The following CABIN1 variants were observed in gnomAD, a reference collection of about 807,000 sequenced individuals.
CABIN1 encodes the protein calcineurin-binding protein cabin-1.
A neutral mutation model predicts 227.7 loss-of-function variants in CABIN1; 133 were observed. That is an observed-to-expected ratio of 0.58 (90% confidence interval 0.51 to 0.67). CABIN1 has a LOEUF of 0.67. Among genes scored for constraint, CABIN1 ranks in the 30% least tolerant of loss-of-function variants. The pLI is 0.00. For missense variants in CABIN1, 2,408 were observed against 2,852.5 expected (o/e 0.84, Z 3.55); for synonymous variants, 1,086 against 1,155.1 (o/e 0.94, Z 1.21).
chr22:24,062,880 G>A, intron 13 of CABIN1, 79 bp from the exon 14 acceptor site: 3 of 1,447,830 alleles, frequency 2.1e-6, no homozygotes, highest in South Asian at 1.1e-5. Context: ...TGTGGTTAGG[G>A]CCAAGTGCAA....
At chr22:24,145,245 A>G (rs2045036136) in intron 29 of CABIN1, among the ~76,000 whole-genome samples, 1 of 152,122 alleles carries the variant, frequency 6.6e-6, no homozygotes, top group African/African-American at 2.4e-5. Context: ...CAGGTGTTGC[A>G]CTAGCTGCCC....
At chr22:24,058,300 A>G (rs143599835) in intron 10 of CABIN1, among the ~76,000 whole-genome samples, 1 of 152,326 alleles carries the variant, frequency 6.6e-6, no homozygotes, top group Non-Finnish European at 1.5e-5. Flanking sequence ...TGAGATTACA[A>G]TCTTGAGCAA....
Position 24,166,728 on chromosome 22 carries a change from C to T in CABIN1, c.5097C>T (p.Gly1699=). The T allele has an allele frequency of 1.2e-6, 2 of 1,612,796 alleles. No individual in the cohort carries two copies. Among genetic ancestry groups the T allele is most frequent in the South Asian group, 1.1e-5 (1 of 91,080 alleles). ...CACACAAGGCCAGTCCTGAGGATGG[C>T]CAGGAGGGCCTCCCCCAGCCGAAGA... ...DVSHKASPED[G]QEGLPQPKKP... The change falls in exon 32 of 37, where the codon GGC becomes GGT. Residue 1699 remains glycine, a synonymous_variant. Transcript: ENST00000263119.
chr22:24,150,266 G>C (rs1335454041), intron 29 of CABIN1, among the ~76,000 whole-genome samples: 2 of 152,242 alleles, frequency 1.3e-5, no homozygotes, highest in Non-Finnish European at 2.9e-5. Context: ...GGGCGCTGCA[G>C]GTACAGGAAA....
intron 28 of CABIN1, among the ~76,000 whole-genome samples, chr22:24,121,552 A>T (rs2043411568): frequency 6.6e-6 from 1 of 152,208 alleles, no homozygotes; most frequent in African/African-American, 2.4e-5. Flanking sequence ...TTACCTCTGT[A>T]TCCCAGGCCT....
intron 1 of CABIN1, among the ~76,000 whole-genome samples, chr22:24,013,064 A>G (rs1317624419): frequency 6.7e-6 from 1 of 149,948 alleles, no homozygotes; most frequent in African/African-American, 2.5e-5. Flanking sequence ...CCCGGCCTCA[A>G]TAGCTTTTTT....
At position 24,131,367 on chromosome 22, in the gene CABIN1, A is replaced by G. The variant is rs1227203836; in HGVS notation, c.4633-2935A>G. On this transcript the variant is annotated intron_variant, in intron 28 of 36. Coordinates refer to ENST00000263119, the MANE Select transcript of CABIN1 (RefSeq NM_012295.4). ...TCAGGCCAGGCCTGTGCCCTGGGTC[A>G]TGAAGTCACAGCTGGAGGAGTGGTC... 2.6e-5 allele frequency among the ~76,000 whole-genome samples: 4 copies of G among 152,206 alleles called. No homozygotes were observed. In the East Asian group the frequency reaches 7.7e-4, roughly 29 times the overall value.
At position 24,070,689 on chromosome 22, in the gene CABIN1, C is replaced by G. The variant is rs1239011010; in HGVS notation, c.2233-111C>G. On this transcript the variant is annotated intron_variant, in intron 16 of 36. Transcript: ENST00000263119. ...CTATGTTGTGCTGGGGCTCGTTCTT[C>G]CCTTTCTTTTGCTGCCCCTCATCTG... 4 of 1,519,060 alleles carry G rather than the reference C, an allele frequency of 2.6e-6. No individual in the cohort carries two copies. The African/African-American group carries it at 4.1e-5, about 16-fold the overall frequency. 94.1% of individuals were successfully genotyped at this position (1,519,060 alleles called of 1,614,324 possible).
intron 8 of CABIN1, 87 bp downstream of exon 8, chr22:24,051,061 G>C: frequency 6.4e-7 from 1 of 1,562,804 alleles, no homozygotes; most frequent in Non-Finnish European, 8.8e-7. Context: ...GAGAGACCTT[G>C]AGGCTTGATC....
intron 24 of CABIN1, among the ~76,000 whole-genome samples, chr22:24,095,426 A>AC (rs199640133): frequency 0.031 from 2,149 of 69,480 alleles, 49 homozygotes; most frequent in East Asian, 0.27. Flanking sequence ...CTGCCCACCC[A>AC]CCCCCCCACC....
In CABIN1 at chr22:24,165,558, G is replaced by A; in HGVS notation, c.4939G>A (p.Val1647Ile). 1 of 1,613,228 alleles carries A rather than the reference G, an allele frequency of 6.2e-7. No homozygotes were observed. The highest frequency in any genetic ancestry group is 1.3e-5 in the African/African-American group (1 of 75,072). Residue 1647 changes from valine (V) to isoleucine (I), a missense_variant, in exon 31 of 37, where the codon GTC (valine) becomes ATC (isoleucine). This residue lies in a region of CABIN1 where 714 missense variants were observed against 773.8 expected (regional missense o/e 0.92). Transcript: ENST00000263119. ...KKYLRDADRQ[V>I]LAQRAFILTV... ...GTATCTGCGAGATGCTGACCGCCAG[G>A]TCCTGGCGCAGCGGGCCTTCATCCT...
chr22:24,098,511 A>G (rs934181160), intron 26 of CABIN1, among the ~76,000 whole-genome samples: 10 of 152,096 alleles, frequency 6.6e-5, no homozygotes, highest in Non-Finnish European at 1.2e-4. Context: ...CTTTGAAAGG[A>G]AGTTAGAAGA....
chr22:24,141,084 A>G (rs191679614), intron 29 of CABIN1, among the ~76,000 whole-genome samples: 1 of 152,350 alleles, frequency 6.6e-6, no homozygotes, highest in East Asian at 1.9e-4. Flanking sequence ...GCCTGCATGG[A>G]GGCCTTGGGG....
At chr22:24,152,007 G>A (rs764659976) in intron 29 of CABIN1, among the ~76,000 whole-genome samples, 1 of 152,176 alleles carries the variant, frequency 6.6e-6, no homozygotes, top group Non-Finnish European at 1.5e-5. Context: ...AGAACTGTGG[G>A]GACAGCCATC....
At chr22:24,115,335 C>A (rs995282089) in intron 27 of CABIN1, among the ~76,000 whole-genome samples, 1 of 152,152 alleles carries the variant, frequency 6.6e-6, no homozygotes, top group African/African-American at 2.4e-5. Flanking sequence ...TGAAGAGTGT[C>A]CTGCCTCTTC....
chr22:24,080,174 C>T (rs2040714684), intron 19 of CABIN1, among the ~76,000 whole-genome samples: 1 of 152,100 alleles, frequency 6.6e-6, no homozygotes, highest in South Asian at 2.1e-4. Context: ...TGGTTTTTAC[C>T]ATTTTTTGAA....
chr22:24,125,805 C>A (rs1312621470), intron 28 of CABIN1, among the ~76,000 whole-genome samples: 1 of 152,178 alleles, frequency 6.6e-6, no homozygotes, highest in African/African-American at 2.4e-5. Flanking sequence ...GTATAGTTTG[C>A]AAAAGGAGAA....
intron 6 of CABIN1, 132 bp from the exon 7 acceptor site, chr22:24,048,959 A>T: frequency 9.6e-7 from 1 of 1,045,376 alleles, no homozygotes; most frequent in Non-Finnish European, 1.5e-6. Flanking sequence ...TGAATTAGTT[A>T]AAGTGGTATC....
At chr22:24,013,497 T>TC (rs1383655264) in intron 1 of CABIN1, among the ~76,000 whole-genome samples, 3 of 152,204 alleles carry the variant, frequency 2.0e-5, no homozygotes, top group African/African-American at 7.2e-5. Context: ...ATGCCCGGCC[T>TC]CTTTTTAAGC....
Sources: allele counts gnomAD v4.1 joint callset (sites outside exome capture counted in the v4.1 genomes callset), GRCh38; gene constraint gnomAD v4.1.1; regional missense constraint gnomAD v4.1.1; transcripts MANE v1.5; gene names NCBI Gene and HGNC (gene_info 2026-07-23, HGNC 2026-07-21).